Variants in GPC5 observed in about 807,000 individuals in gnomAD.
GPC5 encodes the protein glypican-5.
GPC5 carries 47 observed loss-of-function variants against 53.9 expected under a neutral mutation model. That is an observed-to-expected ratio of 0.87 (90% CI 0.69 to 1.11). The LOEUF (loss-of-function observed/expected upper bound fraction) is 1.11. Ranked by LOEUF, GPC5 falls within the 50% of genes most tolerant of loss-of-function variation. GPC5 has a pLI of 0.00. For synonymous variants in GPC5, 286 were observed against 263.3 expected (o/e 1.09, Z -0.84); for missense variants, 748 against 713.1 (o/e 1.05, Z -0.56).
At chr13:92,270,781 A>G (rs1257610724) in intron 7 of GPC5, among the ~76,000 whole-genome samples, 2 of 152,202 alleles carry the variant, frequency 1.3e-5, no homozygotes, top group African/African-American at 4.8e-5. Flanking sequence ...ATTTATTTAA[A>G]TCCTTTTCTG....
At chr13:92,684,946 G>C (rs1249303910) in intron 7 of GPC5, among the ~76,000 whole-genome samples, 1 of 152,142 alleles carries the variant, frequency 6.6e-6, no homozygotes, top group Non-Finnish European at 1.5e-5. Flanking sequence ...TAGGTATGTA[G>C]TAGCAAATCA....
chr13:92,794,398 C>T (rs901193669), intron 7 of GPC5, among the ~76,000 whole-genome samples: 3 of 152,086 alleles, frequency 2.0e-5, no homozygotes, highest in South Asian at 2.1e-4. Context: ...ATAATTAGAG[C>T]TATTTATGAC....
chr13:92,222,174 A>G (rs1461741013), intron 7 of GPC5, among the ~76,000 whole-genome samples: 1 of 152,174 alleles, frequency 6.6e-6, no homozygotes, highest in Non-Finnish European at 1.5e-5. Flanking sequence ...ATCATGTGCC[A>G]CTGTGTCACA....
intron 7 of GPC5, among the ~76,000 whole-genome samples, chr13:92,752,931 C>G (rs1307026889): frequency 6.6e-6 from 1 of 152,190 alleles, no homozygotes; most frequent in Non-Finnish European, 1.5e-5. Context: ...ATACCATTGC[C>G]CAGGCTTGCT....
intron 7 of GPC5, among the ~76,000 whole-genome samples, chr13:92,199,910 A>G (rs1285354465): frequency 6.6e-6 from 1 of 152,208 alleles, no homozygotes; most frequent in African/African-American, 2.4e-5. Context: ...AGGTACAGGT[A>G]AAAGCTTGCA....
intron 2 of GPC5, among the ~76,000 whole-genome samples, chr13:91,556,197 A>T (rs1389600589): frequency 7.7e-6 from 1 of 129,944 alleles, no homozygotes; most frequent in Non-Finnish European, 1.7e-5. Flanking sequence ...GAGTGGCTTT[A>T]AAAAAAAACT....
At chr13:92,324,569 T>C (rs2043237524) in intron 7 of GPC5, among the ~76,000 whole-genome samples, 1 of 151,896 alleles carries the variant, frequency 6.6e-6, no homozygotes, top group South Asian at 2.1e-4. Flanking sequence ...TAAAATACTT[T>C]AAATGTCTGG....
intron 5 of GPC5, among the ~76,000 whole-genome samples, chr13:91,871,117 G>A (rs2039139468): frequency 6.6e-6 from 1 of 152,162 alleles, no homozygotes; most frequent in Non-Finnish European, 1.5e-5. Context: ...ATAAGAGGTT[G>A]GGTGTGGAAT....
At chr13:91,760,705 T>C (rs188640769) in intron 5 of GPC5, among the ~76,000 whole-genome samples, 1 of 152,164 alleles carries the variant, frequency 6.6e-6, no homozygotes, top group Non-Finnish European at 1.5e-5. Flanking sequence ...CTTCAAAGAC[T>C]AGGAGAGCCA....
chr13:91,681,041 A>G lies in GPC5; in HGVS notation c.326-12146A>G, dbSNP rs191500978. Among the ~76,000 whole-genome samples, 74 of 152,210 alleles carry G rather than the reference A, an allele frequency of 4.9e-4. No individual in the cohort carries two copies. The South Asian group carries it at 5.8e-3, about 12-fold the overall frequency. On this transcript the variant is annotated intron_variant, in intron 2 of 7. Transcript: ENST00000377067. ...GAATAATATGTATTTCTATATATAT[A>G]TGTGTGTAGCCCACCGCAATACAAG...
chr13:92,076,665 A>G (rs1310376948), intron 6 of GPC5, among the ~76,000 whole-genome samples: 1 of 150,980 alleles, frequency 6.6e-6, no homozygotes, highest in Non-Finnish European at 1.5e-5. Context: ...TTTTTACCCT[A>G]TATAGCATGA....
Position 91,518,080 on chromosome 13 carries a change from G to A in GPC5, c.325+69158G>A, listed in dbSNP as rs186370815. Among the ~76,000 whole-genome samples, 360 of 152,288 alleles carry A rather than the reference G, an allele frequency of 2.4e-3. 2 individuals carry two copies. Among genetic ancestry groups the A allele is most frequent in the Non-Finnish European group, 2.8e-3 (189 of 68,028 alleles). ...GGATGTAATCATTCACACTGTTATA[G>A]GGTCCTTTACATTACACAAGGAACA... On this transcript the variant is annotated intron_variant, in intron 2 of 7. Coordinates refer to ENST00000377067, the MANE Select transcript of GPC5 (RefSeq NM_004466.6).
At chr13:91,803,692 T>C (rs2138783304) in intron 5 of GPC5, among the ~76,000 whole-genome samples, 1 of 152,070 alleles carries the variant, frequency 6.6e-6, no homozygotes, top group Middle Eastern at 3.4e-3. Context: ...AATTTTTAAA[T>C]TAATTGTTGA....
chr13:91,750,117 G>A (rs988230109), intron 4 of GPC5, among the ~76,000 whole-genome samples: 8 of 152,118 alleles, frequency 5.3e-5, no homozygotes, highest in Admixed American at 3.9e-4. Context: ...GGCCTGTATG[G>A]CTCATTTCTA....
chr13:92,171,258 A>G (rs1272673754), intron 7 of GPC5, among the ~76,000 whole-genome samples: 1 of 152,140 alleles, frequency 6.6e-6, no homozygotes, highest in Admixed American at 6.5e-5. Flanking sequence ...TTTGCTTTAT[A>G]AATTGTCCAT....
intron 7 of GPC5, among the ~76,000 whole-genome samples, chr13:92,512,497 G>A (rs1880610283): frequency 6.9e-6 from 1 of 145,516 alleles, no homozygotes; most frequent in Admixed American, 6.9e-5. Flanking sequence ...TTATATATAA[G>A]AAACAGCTTT....
chr13:91,746,163 C>G (rs531583354), intron 4 of GPC5, among the ~76,000 whole-genome samples: 2 of 152,170 alleles, frequency 1.3e-5, no homozygotes, highest in South Asian at 4.1e-4. Flanking sequence ...CAGCTGTGGT[C>G]AGACATCTCT....
At chr13:92,341,203 T>C (rs1444009096) in intron 7 of GPC5, among the ~76,000 whole-genome samples, 1 of 152,158 alleles carries the variant, frequency 6.6e-6, no homozygotes, top group Non-Finnish European at 1.5e-5. Flanking sequence ...TAAATTTCCA[T>C]AAATTTTTCC....
chr13:92,705,570 T>G lies in GPC5; in HGVS notation c.1562-160712T>G, dbSNP rs544668020. 5.5e-4 allele frequency among the ~76,000 whole-genome samples: 84 copies of G among 152,248 alleles called. 1 individual carries two copies. Among genetic ancestry groups the G allele is most frequent in the South Asian group, 3.7e-3 (18 of 4,830 alleles). ...ATAATTTCTTTCTATCTTGAAATAA[T>G]TTTTGTAAATATTGGGTGAAATAAA... On this transcript the variant is annotated intron_variant, in intron 7 of 7. Coordinates refer to ENST00000377067, the MANE Select transcript of GPC5 (RefSeq NM_004466.6).
Sources: gnomAD v4.1 joint callset for allele counts (sites outside exome capture counted in the v4.1 genomes callset) on GRCh38, gnomAD v4.1.1 for gene constraint, MANE v1.5 for transcripts, NCBI Gene and HGNC (gene_info 2026-07-23, HGNC 2026-07-21) for gene names.